The following DST variants were observed in gnomAD, a reference collection of about 807,000 sequenced individuals.
DST encodes the protein dystonin, also known as bullous pemphigoid antigen.
A neutral mutation model predicts 875.2 loss-of-function variants in DST; 253 were observed. That is an observed-to-expected ratio of 0.29 (90% CI 0.26 to 0.32). The LOEUF (loss-of-function observed/expected upper bound fraction) is 0.32, where lower values mean the gene tolerates loss of function less well. Ranked by LOEUF, DST falls within the 10% of genes least tolerant of loss-of-function variation. The probability of loss-of-function intolerance (pLI) is 1.00; values close to 1 mark genes in which losing one functional copy is unlikely to be tolerated. For missense variants in DST, 8,287 were observed against 9,111.6 expected, an observed-to-expected ratio of 0.91 and a Z score of 3.68; for synonymous variants, 3,124 against 3,197.1, an observed-to-expected ratio of 0.98 and a Z score of 0.77.
chr6:56,478,387 T>G (rs1452633889), intron 90 of DST, among the ~76,000 whole-genome samples: 3 of 152,156 alleles, frequency 2.0e-5, no homozygotes, highest in Non-Finnish European at 4.4e-5. Flanking sequence ...ATGTGAGAAC[T>G]GTCCCTTTAA....
intron 83 of DST, 151 bp downstream of exon 83, chr6:56,493,859 T>C (rs2095830374): frequency 2.0e-6 from 1 of 512,250 alleles, no homozygotes; most frequent in Non-Finnish European, 3.1e-6. Flanking sequence ...TATTTTCAAC[T>C]ACCCCATGAA....
At position 56,821,212 on chromosome 6, in the gene DST, T is replaced by C. The variant is rs368548231; in HGVS notation, c.625+30185A>G. Among the ~76,000 whole-genome samples the C allele has an allele frequency of 2.6e-5, 4 of 152,316 alleles. No individual in the cohort carries two copies. The East Asian group carries it at 7.7e-4, about 29-fold the overall frequency. On this transcript the variant is annotated intron_variant, in intron 4 of 103. Coordinates refer to ENST00000680361, the MANE Select transcript of DST (RefSeq NM_001374736.1). ...ACACAAATATTAACTTTCAAAATAA[T>C]GGTCAGGTACTCCAATTACTCACTG...
intron 4 of DST, chr6:56,843,481 C>CGGCGAGGGCG: frequency 1.0e-6 from 1 of 992,102 alleles, no homozygotes; most frequent in South Asian, 4.6e-5. Flanking sequence ...GCGGGGCGTG[C>CGGCGAGGGCG]GGCGAGGGCG....
At position 56,603,951 on chromosome 6, in the gene DST, T is replaced by G. The variant is rs746255845; in HGVS notation, c.10677A>C (p.Ala3559=). ...EIGLESSTVW[A]STLPRDEKLK... The stretch of plus-strand genomic sequence containing the variant: ...GCTTCTCATCTCTTGGCAATGTTGA[T>G]GCCCACACAGTAGAGCTTTCTAGTC... Residue 3559 remains alanine (A), a synonymous_variant, in exon 40 of 104, where the codon GCA becomes GCC. Transcript: ENST00000680361. 1 of 1,611,538 alleles carries G rather than the reference T, an allele frequency of 6.2e-7. No homozygotes were observed. Among genetic ancestry groups the G allele is most frequent in the Admixed American group, 1.7e-5 (1 of 59,650 alleles).
chr6:56,555,992 A>T (rs528351577), intron 59 of DST, among the ~76,000 whole-genome samples, 152 bp from the exon 60 acceptor site: 4 of 152,316 alleles, frequency 2.6e-5, no homozygotes, highest in African/African-American at 9.6e-5. Flanking sequence ...AGGGCAGTAC[A>T]ATTCTCTTAA....
At chr6:56,770,793 G>A (rs761790560) in intron 4 of DST, among the ~76,000 whole-genome samples, 2 of 152,106 alleles carry the variant, frequency 1.3e-5, no homozygotes, top group Non-Finnish European at 2.9e-5. Context: ...CCGAGGTCAG[G>A]AGTTTGAGAC....
At chr6:56,931,077 TCTC>T (rs1809971021) in intron 2 of DST, among the ~76,000 whole-genome samples, 1 of 152,232 alleles carries the variant, frequency 6.6e-6, no homozygotes, top group African/African-American at 2.4e-5. Flanking sequence ...GATGTGATAA[TCTC>T]CTAATTATAT....
intron 17 of DST, among the ~76,000 whole-genome samples, chr6:56,640,887 T>A (rs548012244): frequency 6.6e-6 from 1 of 152,308 alleles, no homozygotes; most frequent in South Asian, 2.1e-4. Flanking sequence ...ATCACATTGC[T>A]AAAATTTTGC....
chr6:56,607,619 T>C lies in DST; in HGVS notation c.7009A>G (p.Ser2337Gly), dbSNP rs143498175. 5.8e-4 allele frequency: 942 copies of C among 1,613,416 alleles called. 3 individuals carry two copies. In the African/African-American group the frequency reaches 9.8e-3, roughly 17 times the overall value. The part of the protein sequence containing the change: ...SIDPKVNSSP[S>G]VCVPSLISYL... ...GATATGAGACTGGGAACACACACAC[T>C]GGGTGAACTGTTAACTTTAGGATCA... The change falls in exon 40 of 104, where the codon AGT becomes GGT. Residue 2337 changes from serine to glycine, a missense_variant. Ser to Gly is a moderately conservative substitution (Grantham distance 56). Transcript: ENST00000680361.
At chr6:56,568,659 A>C (rs1040422465) in intron 54 of DST, 64 bp from the exon 55 acceptor site, 6 of 1,376,172 alleles carry the variant, frequency 4.4e-6, no homozygotes, top group Non-Finnish European at 4.9e-6. Context: ...ATTATAATTC[A>C]GTTTCTTAAA....
chr6:56,749,493 G>T (rs143735104), intron 4 of DST, among the ~76,000 whole-genome samples: 2 of 151,964 alleles, frequency 1.3e-5, no homozygotes, highest in Non-Finnish European at 2.9e-5. Flanking sequence ...CCATGAATAC[G>T]GCCTAAGGAA....
At chr6:56,802,703 C>T (rs562077490) in intron 4 of DST, among the ~76,000 whole-genome samples, 1 of 152,112 alleles carries the variant, frequency 6.6e-6, no homozygotes, top group African/African-American at 2.4e-5. Context: ...ACATTACACC[C>T]ATTGATATCC....
chr6:56,481,376 AT>A (rs1179683905), intron 90 of DST, among the ~76,000 whole-genome samples: 1 of 152,220 alleles, frequency 6.6e-6, no homozygotes, highest in Non-Finnish European at 1.5e-5. Flanking sequence ...AGATATTTGG[AT>A]TACTCTCTGA....
Position 56,609,089 on chromosome 6 carries a change from C to A in DST, c.5539G>T (p.Ala1847Ser). 6.2e-7 allele frequency: 1 copy of A among 1,613,844 alleles called. No homozygotes were observed. The highest frequency in any genetic ancestry group is 8.5e-7 in the Non-Finnish European group (1 of 1,179,800). ...ACTGGAATTGTGGTAGGTGACGCAGCAGAAATAATCTCCTTAGCTTTACTT... is the reference window on the plus strand; with the variant it reads ...ACTGGAATTGTGGTAGGTGACGCAGAAGAAATAATCTCCTTAGCTTTACTT... ...ELSKAKEIIS[A>S]ASPTTIPVLD... is the part of the protein sequence containing the mutation. The change falls in exon 40 of 104, where the codon GCT (alanine) becomes TCT (serine). Residue 1847 changes from alanine (A) to serine (S), a missense_variant. This residue lies in a region of DST where 3,138 missense variants were observed against 3,116.6 expected (regional missense o/e 1.01). Transcript: ENST00000680361.
chr6:56,699,625 T>C (rs1588833460), intron 9 of DST, 28 bp downstream of exon 9: 2 of 1,174,448 alleles, frequency 1.7e-6, no homozygotes, highest in Non-Finnish European at 2.4e-6. Context: ...AGCAATTAGA[T>C]GCTGAAATTA....
At chr6:56,783,979 T>C (rs2099699838) in intron 4 of DST, among the ~76,000 whole-genome samples, 2 of 152,130 alleles carry the variant, frequency 1.3e-5, no homozygotes, top group South Asian at 4.1e-4. Context: ...CTCCTTCACT[T>C]ATGAAGCTTA....
intron 75 of DST, among the ~76,000 whole-genome samples, chr6:56,507,795 C>G (rs1474433037): frequency 6.6e-6 from 1 of 152,100 alleles, no homozygotes; most frequent in Non-Finnish European, 1.5e-5. Flanking sequence ...GCATGCCCTG[C>G]TCTAGGGAGT....
chr6:56,804,513 C>A (rs1414711420), intron 4 of DST, among the ~76,000 whole-genome samples: 1 of 152,018 alleles, frequency 6.6e-6, no homozygotes, highest in Non-Finnish European at 1.5e-5. Flanking sequence ...ATATCTTAGC[C>A]TCTTTTGACA....
chr6:56,773,769 G>A (rs1189409486), intron 4 of DST, among the ~76,000 whole-genome samples: 4 of 152,062 alleles, frequency 2.6e-5, no homozygotes, highest in African/African-American at 9.7e-5. Flanking sequence ...TCTACCATCT[G>A]GACTCAGCCT....
Sources: allele counts gnomAD v4.1 joint callset (sites outside exome capture counted in the v4.1 genomes callset), GRCh38; gene constraint gnomAD v4.1.1; regional missense constraint gnomAD v4.1.1; transcripts MANE v1.5; gene names NCBI Gene and HGNC (gene_info 2026-07-23, HGNC 2026-07-21).